The following TGFBR2 variants were observed in gnomAD, a reference collection of about 807,000 sequenced individuals.
TGFBR2 encodes transforming growth factor beta receptor 2.
A neutral mutation model predicts 49.0 loss-of-function variants in TGFBR2; 18 were observed. That is an observed-to-expected ratio of 0.37 (90% CI 0.25 to 0.54). The LOEUF (loss-of-function observed/expected upper bound fraction) is 0.54, where lower values mean the gene tolerates loss of function less well. Among genes scored for constraint, TGFBR2 ranks in the 20% least tolerant of loss-of-function variants. The pLI is 0.85. For missense variants in TGFBR2, 525 were observed against 722.6 expected (o/e 0.73, Z 3.13); for synonymous variants, 282 against 275.9 (o/e 1.02, Z -0.22).
intron 3 of TGFBR2, among the ~76,000 whole-genome samples, chr3:30,662,141 C>A (rs1424500863): frequency 6.6e-6 from 1 of 152,150 alleles, no homozygotes; most frequent in Admixed American, 6.5e-5. Context: ...ATAATAGAAG[C>A]ACACAGAGGC....
At chr3:30,651,259 G>A (rs562727635) in intron 3 of TGFBR2, among the ~76,000 whole-genome samples, 8 of 152,170 alleles carry the variant, frequency 5.3e-5, no homozygotes, top group African/African-American at 1.2e-4. Context: ...GTACATTTTC[G>A]TCCTCCCCTC....
chr3:30,650,221 T>C (rs1471368009), intron 2 of TGFBR2, 49 bp from the exon 3 acceptor site: 4 of 1,578,342 alleles, frequency 2.5e-6, no homozygotes, highest in Non-Finnish European at 3.5e-6. Flanking sequence ...ATTTATTCTC[T>C]TTCTCTCTCT....
chr3:30,615,290 A>G (rs1698109890), intron 1 of TGFBR2, among the ~76,000 whole-genome samples: 2 of 151,696 alleles, frequency 1.3e-5, no homozygotes, highest in South Asian at 2.1e-4. Context: ...GTATAGGTCC[A>G]TCTCCTGGCT....
At position 30,650,257 on chromosome 3, in the gene TGFBR2, C is replaced by G. The variant is rs1229648350; in HGVS notation, c.264-13C>G. On this transcript the variant is annotated splice_polypyrimidine_tract_variant and intron_variant, in intron 2 of 6. Transcript: ENST00000295754. ...CCCTCTCCCCTCGCTTCCAATGAATCTCTTCACTCTAGGAGAAAGAATGAC... is the reference window on the plus strand; with the variant it reads ...CCCTCTCCCCTCGCTTCCAATGAATGTCTTCACTCTAGGAGAAAGAATGAC... 6.2e-7 allele frequency: 1 copy of G among 1,613,432 alleles called. No individual in the cohort carries two copies. The highest frequency in any genetic ancestry group is 1.1e-5 in the South Asian group (1 of 91,054).
chr3:30,642,682 C>T (rs980812270), intron 1 of TGFBR2, among the ~76,000 whole-genome samples: 5 of 152,062 alleles, frequency 3.3e-5, no homozygotes, highest in African/African-American at 9.7e-5. Flanking sequence ...ACAAAAAATA[C>T]GTATGTATGA....
intron 1 of TGFBR2, among the ~76,000 whole-genome samples, chr3:30,628,582 G>T (rs2125459107): frequency 9.6e-6 from 1 of 104,008 alleles, no homozygotes; most frequent in South Asian, 3.0e-4. Flanking sequence ...CTTTCTTTAG[G>T]CTTGTGTGGG....
chr3:30,678,642 A>G (rs1699483613), intron 5 of TGFBR2, among the ~76,000 whole-genome samples: 1 of 151,866 alleles, frequency 6.6e-6, no homozygotes, highest in African/African-American at 2.4e-5. Context: ...GCTAATCTAC[A>G]TGACAAGTAT....
chr3:30,688,825 G>C (rs181322508), intron 6 of TGFBR2, among the ~76,000 whole-genome samples: 1 of 152,148 alleles, frequency 6.6e-6, no homozygotes, highest in Non-Finnish European at 1.5e-5. Context: ...GGGCCTTCAC[G>C]TCAGGAGTTT....
intron 3 of TGFBR2, among the ~76,000 whole-genome samples, chr3:30,662,015 A>G (rs945923653): frequency 6.6e-5 from 10 of 152,134 alleles, no homozygotes; most frequent in Non-Finnish European, 1.3e-4. Flanking sequence ...TCAACCTGAA[A>G]ATGAAATGAT....
At chr3:30,645,010 A>G (rs1698705278) in intron 2 of TGFBR2, 95 bp downstream of exon 2, 2 of 1,140,778 alleles carry the variant, frequency 1.8e-6, no homozygotes, top group African/African-American at 1.5e-5. Context: ...TGTCTCCTAA[A>G]TGTAAACACC....
intron 1 of TGFBR2, among the ~76,000 whole-genome samples, chr3:30,638,522 C>T (rs1025291815): frequency 2.6e-5 from 4 of 152,164 alleles, no homozygotes; most frequent in Non-Finnish European, 4.4e-5. Context: ...CCCGATACCT[C>T]TCTTCTCTCA....
intron 3 of TGFBR2, among the ~76,000 whole-genome samples, chr3:30,657,323 G>T (rs2125417534): frequency 6.6e-6 from 1 of 152,266 alleles, no homozygotes; most frequent in East Asian, 1.9e-4. Context: ...CATGTCCTTG[G>T]CAAGAGGCAC....
At chr3:30,646,938 C>G (rs528396552) in intron 2 of TGFBR2, among the ~76,000 whole-genome samples, 1 of 152,302 alleles carries the variant, frequency 6.6e-6, no homozygotes, top group Admixed American at 6.5e-5. Flanking sequence ...GGAGGCCTCC[C>G]TGTCTTTTCT....
At chr3:30,632,373 C>CCAGA (rs1193482836) in intron 1 of TGFBR2, among the ~76,000 whole-genome samples, 1 of 152,180 alleles carries the variant, frequency 6.6e-6, no homozygotes. Context: ...TGCCTGTTTG[C>CCAGA]CAGACCTATG....
chr3:30,621,278 C>CTTTTTTT (rs10688941), intron 1 of TGFBR2, among the ~76,000 whole-genome samples: 2 of 116,282 alleles, frequency 1.7e-5, no homozygotes, highest in South Asian at 2.8e-4. Flanking sequence ...TTTTAATATT[C>CTTTTTTT]TTTTTTTTTT....
chr3:30,624,996 T>C (rs1474623423), intron 1 of TGFBR2, among the ~76,000 whole-genome samples: 1 of 152,212 alleles, frequency 6.6e-6, no homozygotes, highest in East Asian at 1.9e-4. Context: ...CTTCAAACTG[T>C]AATAAATTTC....
At chr3:30,675,601 G>C (rs1297504745) in intron 5 of TGFBR2, among the ~76,000 whole-genome samples, 2 of 152,160 alleles carry the variant, frequency 1.3e-5, no homozygotes, top group East Asian at 3.9e-4. Context: ...TGATCAGGCT[G>C]ATATCGAACT....
intron 1 of TGFBR2, among the ~76,000 whole-genome samples, chr3:30,630,989 TAA>T (rs1698426263): frequency 6.6e-6 from 1 of 151,538 alleles, no homozygotes; most frequent in African/African-American, 2.4e-5. Flanking sequence ...CCAAACAGAC[TAA>T]GTTACCAACC....
In TGFBR2 at chr3:30,644,930, TA is replaced by T. The variant is rs754721647; in HGVS notation, c.263+17del. 5.9e-5 allele frequency: 95 copies of T among 1,610,852 alleles called. 1 individual carries two copies. The Admixed American group carries it at 1.4e-3, about 23-fold the overall frequency. On this transcript the variant is annotated intron_variant, in intron 2 of 6. Coordinates refer to ENST00000295754, the MANE Select transcript of TGFBR2 (RefSeq NM_003242.6). Reference sequence around the variant, plus strand: ...GTGGCTGTATGGTAAGCAAGCCTTTTAAGAAGTTATTCTTTCTTTTCCCCTT... The same window carrying T: ...GTGGCTGTATGGTAAGCAAGCCTTTTAGAAGTTATTCTTTCTTTTCCCCTT...
Sources: allele counts gnomAD v4.1 joint callset (sites outside exome capture counted in the v4.1 genomes callset), GRCh38; gene constraint gnomAD v4.1.1; transcripts MANE v1.5; gene names NCBI Gene and HGNC (gene_info 2026-07-23, HGNC 2026-07-21).